PRELID2: variants seen among roughly 807,000 people sequenced by gnomAD.
PRELID2 encodes PRELI domain-containing protein 2.
A neutral mutation model predicts 28.4 loss-of-function variants in PRELID2; 25 were observed. The ratio of observed to expected loss-of-function variants is 0.88; its 90% CI spans 0.64 to 1.23. The LOEUF is 1.23. PRELID2 is among the 50% of genes most tolerant of loss of function. The pLI is 0.00. For missense variants in PRELID2, 201 were observed against 214.4 expected (o/e 0.94, Z 0.39); for synonymous variants, 76 against 71.6 (o/e 1.06, Z -0.31).
At chr5:145,316,727 T>C in the PRELID2 span, among the ~76,000 whole-genome samples, 131 of 152,322 alleles carry the variant, frequency 8.6e-4, 1 homozygote, top group Non-Finnish European at 9.3e-4. Context: ...AAAATATACC[T>C]AAGAAAATAC....
chr5:145,714,430 A>G (rs1755788112), intron 1 of PRELID2, among the ~76,000 whole-genome samples: 2 of 152,088 alleles, frequency 1.3e-5, no homozygotes, highest in African/African-American at 4.8e-5. Context: ...TCTTCCCTCC[A>G]GGTCAATAAA....
At chr5:145,824,880 T>C (rs1755073350) in intron 1 of PRELID2, among the ~76,000 whole-genome samples, 1 of 152,048 alleles carries the variant, frequency 6.6e-6, no homozygotes, top group Admixed American at 6.6e-5. Flanking sequence ...ACTTGGTTTT[T>C]AAAAATCTAT....
chr5:145,753,107 A>C (rs1463266324), downstream of PRELID2, among the ~76,000 whole-genome samples: 2 of 152,238 alleles, frequency 1.3e-5, no homozygotes, highest in Non-Finnish European at 2.9e-5. Context: ...TGGCACCGGC[A>C]CAAAGAAGTA....
intron 1 of PRELID2, among the ~76,000 whole-genome samples, chr5:145,512,757 G>C (rs1449992804): frequency 2.0e-5 from 3 of 152,160 alleles, no homozygotes; most frequent in African/African-American, 7.2e-5. Flanking sequence ...TCTGGTGGGT[G>C]CCCCTCTGGG....
chr5:145,391,649 G>T, the PRELID2 span, among the ~76,000 whole-genome samples: 1 of 150,934 alleles, frequency 6.6e-6, no homozygotes, highest in African/African-American at 2.4e-5. Flanking sequence ...GCAAATTTCT[G>T]TAGAGGGCTT....
intron 1 of PRELID2, among the ~76,000 whole-genome samples, chr5:145,694,589 G>A (rs2149697992): frequency 6.6e-6 from 1 of 152,292 alleles, no homozygotes; most frequent in East Asian, 1.9e-4. Context: ...TCCACGGTAT[G>A]AAGTAAGGTA....
chr5:145,355,614 C>T, the PRELID2 span, among the ~76,000 whole-genome samples: 1 of 152,116 alleles, frequency 6.6e-6, no homozygotes, highest in Non-Finnish European at 1.5e-5. Context: ...TTCACAGGAC[C>T]TACCAAACAT....
chr5:145,787,713 T>C (rs1449246983), intron 5 of PRELID2, among the ~76,000 whole-genome samples: 1 of 152,032 alleles, frequency 6.6e-6, no homozygotes, highest in Non-Finnish European at 1.5e-5. Context: ...ATAATTGTTT[T>C]GGTTTTCTGT....
At chr5:145,509,450 C>A (rs1435566223) in intron 1 of PRELID2, among the ~76,000 whole-genome samples, 2 of 152,174 alleles carry the variant, frequency 1.3e-5, no homozygotes, top group Non-Finnish European at 2.9e-5. Flanking sequence ...GAGGCAAGGT[C>A]ACCCAGGCTG....
At chr5:145,808,584 T>C (rs1376074487) in intron 4 of PRELID2, among the ~76,000 whole-genome samples, 1 of 152,158 alleles carries the variant, frequency 6.6e-6, no homozygotes, top group Non-Finnish European at 1.5e-5. Context: ...TGAAAATGTA[T>C]TGACCCAACA....
At chr5:145,779,978 C>A (rs185669344) in intron 5 of PRELID2, among the ~76,000 whole-genome samples, 12 of 152,216 alleles carry the variant, frequency 7.9e-5, no homozygotes. Context: ...CCCAGGAGTT[C>A]GAGACCAGCC....
intron 1 of PRELID2, among the ~76,000 whole-genome samples, chr5:145,715,482 C>A (rs528063828): frequency 1.2e-4 from 19 of 152,276 alleles, no homozygotes; most frequent in African/African-American, 4.1e-4. Context: ...AGCCAGTGAA[C>A]TTTTTGGAAC....
the PRELID2 span, among the ~76,000 whole-genome samples, chr5:145,346,795 T>C: frequency 6.6e-6 from 1 of 152,154 alleles, no homozygotes; most frequent in African/African-American, 2.4e-5. Context: ...TGATAATTCC[T>C]CTGGACTTGC....
the PRELID2 span, among the ~76,000 whole-genome samples, chr5:145,394,144 C>T: frequency 4.6e-5 from 7 of 152,082 alleles, no homozygotes; most frequent in East Asian, 1.9e-4. Flanking sequence ...ATGTTTATAG[C>T]GGCACTATTC....
downstream of PRELID2, among the ~76,000 whole-genome samples, chr5:145,754,922 C>T (rs1159068116): frequency 6.6e-6 from 1 of 152,152 alleles, no homozygotes; most frequent in South Asian, 2.1e-4. Context: ...GTTGGTTCAA[C>T]TTATATAATT....
chr5:145,653,195 G>C (rs1356806197), intron 1 of PRELID2, among the ~76,000 whole-genome samples: 2 of 152,158 alleles, frequency 1.3e-5, no homozygotes, highest in Non-Finnish European at 2.9e-5. Context: ...AACAAGAAGA[G>C]CTAACTATCC....
chr5:145,763,292 T>A (rs1460834046), intron 6 of PRELID2, among the ~76,000 whole-genome samples: 1 of 152,134 alleles, frequency 6.6e-6, no homozygotes, highest in Non-Finnish European at 1.5e-5. Flanking sequence ...ACCAGGGAGA[T>A]GTGGCCAAGT....
intron 1 of PRELID2, among the ~76,000 whole-genome samples, chr5:145,825,691 C>A (rs1356528355): frequency 6.6e-6 from 1 of 152,160 alleles, no homozygotes; most frequent in Non-Finnish European, 1.5e-5. Context: ...AACTCAAATA[C>A]TTCACACTTA....
chr5:145,671,439 C>A (rs2149683290), intron 1 of PRELID2, among the ~76,000 whole-genome samples: 1 of 152,236 alleles, frequency 6.6e-6, no homozygotes, highest in East Asian at 1.9e-4. Flanking sequence ...TAACTCACCC[C>A]CTTCTGCTCT....
Sources: gnomAD v4.1 joint callset for allele counts (sites outside exome capture counted in the v4.1 genomes callset) on GRCh38, gnomAD v4.1.1 for gene constraint, MANE v1.5 for transcripts, NCBI Gene and HGNC (gene_info 2026-07-23, HGNC 2026-07-21) for gene names.